TEP1: variants seen among roughly 807,000 people sequenced by gnomAD.
The protein encoded by TEP1 is telomerase associated protein 1.
Under a neutral mutation model 306.3 loss-of-function variants are expected in TEP1, and 241 were observed. That is an observed-to-expected ratio of 0.79 (90% CI 0.71 to 0.88). The LOEUF is 0.88. Among genes scored for constraint, TEP1 ranks in the 40% least tolerant of loss-of-function variants. The pLI, the probability that TEP1 is intolerant of heterozygous loss-of-function variation, is 0.00. For missense variants in TEP1, 3,051 were observed against 3,276.1 expected, an observed-to-expected ratio of 0.93 and a Z score of 1.68; for synonymous variants, 1,289 against 1,305.5, an observed-to-expected ratio of 0.99 and a Z score of 0.27.
Position 20,365,742 on chromosome 14 carries a change from T to A in TEP1, c.*2695A>T, listed in dbSNP as rs1211043104. The A allele has an allele frequency of 1.3e-5, 2 of 152,264 alleles. No individual in the cohort carries two copies. Among genetic ancestry groups the A allele is most frequent in the African/African-American group, 4.8e-5 (2 of 41,480 alleles). 9.4% of individuals were successfully genotyped at this position (152,264 alleles called of 1,614,324 possible). Reference sequence around the variant, plus strand: ...TCCTACACAGTTTCTAAATGGTTACTCTCAACTTCCGTACTTATCTCATTA... The same window carrying A: ...TCCTACACAGTTTCTAAATGGTTACACTCAACTTCCGTACTTATCTCATTA... On this transcript the variant is annotated 3_prime_UTR_variant, in exon 55 of 55. Coordinates refer to ENST00000262715, the MANE Select transcript of TEP1 (RefSeq NM_007110.5).
rs1288774734 is a variant in TEP1 at position 20,368,566 on chromosome 14, T to C, written c.7762-7A>G. On this transcript the variant is annotated splice_region_variant and splice_polypyrimidine_tract_variant and intron_variant, in intron 54 of 54. Transcript: ENST00000262715. ...CGCATCGGAACAGGCCCAGCTACGA[T>C]GGGAACAAAAATAGGGGAGGTCAGG... 1 of 1,613,966 alleles carries C rather than the reference T, an allele frequency of 6.2e-7. No homozygotes were observed. Among genetic ancestry groups the C allele is most frequent in the Non-Finnish European group, 8.5e-7 (1 of 1,179,960 alleles).
chr14:20,368,672 G>T, intron 54 of TEP1, 113 bp from the exon 55 acceptor site: 1 of 1,543,590 alleles, frequency 6.5e-7, no homozygotes, highest in Non-Finnish European at 8.9e-7. Flanking sequence ...CATTGCAAGT[G>T]ATTGAAGAAA....
rs760784175 is a variant in TEP1, at chr14:20,395,677, T to A, written c.1751-50A>T. The A allele has an allele frequency of 2.6e-6, 4 of 1,567,652 alleles. No individual in the cohort carries two copies. The South Asian group carries it at 4.7e-5, about 18-fold the overall frequency. Reference sequence around the variant, plus strand: ...GAGTTAGGCAGCTTCTATTCCCTCATCTTTTCCTACCAGTAATGTGACCTG... The same window carrying A: ...GAGTTAGGCAGCTTCTATTCCCTCAACTTTTCCTACCAGTAATGTGACCTG... On this transcript the variant is annotated intron_variant, in intron 11 of 54. Coordinates refer to ENST00000262715, the MANE Select transcript of TEP1 (RefSeq NM_007110.5).
chr14:20,396,041 CAGA>C (rs1878179320), intron 10 of TEP1, 92 bp from the exon 11 acceptor site: 2 of 832,170 alleles, frequency 2.4e-6, no homozygotes, highest in African/African-American at 3.4e-5. Flanking sequence ...TGGGAAGGTA[CAGA>C]AGGACAAAAT....
Position 20,373,048 on chromosome 14 carries a change from A to G in TEP1, c.6914T>C (p.Ile2305Thr), listed in dbSNP as rs1226700035. The G allele has an allele frequency of 1.9e-6, 3 of 1,614,200 alleles. No homozygotes were observed. Among genetic ancestry groups the G allele is most frequent in the Non-Finnish European group, 8.5e-7 (1 of 1,180,028 alleles). ...AVSGNQAGEL[I>T]LWQEAKAVAT... ...CACAGCCTTAGCTTCCTGCCACAAGATTAGTTCCCCAGCTTGATTTCCAGA... is the reference window on the plus strand; with the variant it reads ...CACAGCCTTAGCTTCCTGCCACAAGGTTAGTTCCCCAGCTTGATTTCCAGA... Residue 2305 changes from isoleucine to threonine, a missense_variant, in exon 48 of 55, where the codon ATC becomes ACC. This residue lies in a region of TEP1 where 1,540 missense variants were observed against 1,705.9 expected (regional missense o/e 0.90). Coordinates refer to ENST00000262715, the MANE Select transcript of TEP1 (RefSeq NM_007110.5).
rs1327986767 is a variant in TEP1, at chr14:20,380,234, C to A, written c.5003+1G>T. ...ACTAGGGTCTGGGGTCAAGGTCTTA[C>A]CTTTGCTGATTTTTCATGGTCCGGG... On this transcript the variant is annotated splice_donor_variant, in intron 34 of 54. Transcript: ENST00000262715. LOFTEE classifies it high-confidence loss of function. 8 of 1,613,498 alleles carry A rather than the reference C, an allele frequency of 5.0e-6. No individual in the cohort carries two copies. The East Asian group carries it at 6.7e-5, about 13-fold the overall frequency.
chr14:20,413,274 C>G (rs990046873), intron 1 of TEP1, 131 bp downstream of exon 1: 1 of 152,528 alleles, frequency 6.6e-6, no homozygotes, highest in Non-Finnish European at 1.5e-5. Flanking sequence ...TGGTTCCTAA[C>G]CGGCCCCGCC....
At chr14:20,391,392 T>C (rs1280098259) in intron 13 of TEP1, among the ~76,000 whole-genome samples, 1 of 152,120 alleles carries the variant, frequency 6.6e-6, no homozygotes, top group Admixed American at 6.5e-5. Flanking sequence ...AGGTGAAATG[T>C]TAGTATTATA....
At position 20,387,817 on chromosome 14, in the gene TEP1, C is replaced by G. The variant is rs1877329494; in HGVS notation, c.2684+88G>C. ...CCTTCATGAAGAGAACAAGCGGCAC[C>G]TCACCAGCTAGAATTTCAGCCCCAG... On this transcript the variant is annotated intron_variant, in intron 18 of 54. Coordinates refer to ENST00000262715, the MANE Select transcript of TEP1 (RefSeq NM_007110.5). 1.7e-5 allele frequency: 25 copies of G among 1,483,420 alleles called. No homozygotes were observed. In the South Asian group the frequency reaches 3.5e-4, roughly 21 times the overall value. 91.9% of individuals were successfully genotyped at this position (1,483,420 alleles called of 1,614,324 possible).
At chr14:20,409,427 T>A (rs1879453809) in intron 1 of TEP1, among the ~76,000 whole-genome samples, 1 of 152,242 alleles carries the variant, frequency 6.6e-6, no homozygotes, top group Non-Finnish European at 1.5e-5. Context: ...TGCTGGCGAC[T>A]CACAGATCTA....
chr14:20,403,644 C>T, intron 6 of TEP1, 79 bp downstream of exon 6: 1 of 1,602,938 alleles, frequency 6.2e-7, no homozygotes, highest in Non-Finnish European at 8.5e-7. Context: ...GTGTGGGACT[C>T]CCCAGCATCA....
chr14:20,398,528 G>A (rs1878410014), intron 9 of TEP1, among the ~76,000 whole-genome samples: 1 of 151,666 alleles, frequency 6.6e-6, no homozygotes, highest in Non-Finnish European at 1.5e-5. Context: ...AGAGTGAAGG[G>A]GTGACATTAA....
chr14:20,380,306 G>C lies in TEP1; in HGVS notation c.4932C>G (p.Leu1644=), dbSNP rs1400448920. 2.5e-6 allele frequency: 4 copies of C among 1,614,184 alleles called. No individual in the cohort carries two copies. The highest frequency in any genetic ancestry group is 1.3e-5 in the African/African-American group (1 of 75,042). Residue 1644 remains leucine (L), a synonymous_variant, in exon 34 of 55, where the codon CTC becomes CTG. Transcript: ENST00000262715. ...DSPLCHQASL[L]SRRWHLQHTL... ...TGTGTTGGAGGTGCCATCTCCGGGAGAGCAGCGAGGCTTGGTGGCAAAGAG... is the reference window on the plus strand; with the variant it reads ...TGTGTTGGAGGTGCCATCTCCGGGACAGCAGCGAGGCTTGGTGGCAAAGAG...
In TEP1 at chr14:20,377,648, C is replaced by T; in HGVS notation, c.5827G>A (p.Ala1943Thr). Residue 1943 changes from alanine to threonine, a missense_variant, in exon 40 of 55, where the codon GCT (alanine) becomes ACT (threonine). Transcript: ENST00000262715. ...ATGCCATCCGCTCGATATCCAACAGCCACCCGATCACCATCTGGGCTGAGT... is the reference window on the plus strand; with the variant it reads ...ATGCCATCCGCTCGATATCCAACAGTCACCCGATCACCATCTGGGCTGAGT... ...VALSPDGDRV[A>T]VGYRADGIRI... 1 of 1,614,126 alleles carries T rather than the reference C, an allele frequency of 6.2e-7. No individual in the cohort carries two copies. Among genetic ancestry groups the T allele is most frequent in the Non-Finnish European group, 8.5e-7 (1 of 1,180,028 alleles).
rs1878051555 is a variant in TEP1, at chr14:20,394,818, T to G, written c.1928+632A>C. On this transcript the variant is annotated intron_variant, in intron 12 of 54. Transcript: ENST00000262715. ...CAGGCTTGATTCTTAAATGGCCCTC[T>G]GTTCAGCTACTGATTCAGGAGATTC... 2.0e-5 allele frequency among the ~76,000 whole-genome samples: 3 copies of G among 152,294 alleles called. No individual in the cohort carries two copies. The South Asian group carries it at 6.2e-4, about 32-fold the overall frequency.
At chr14:20,402,901 G>A (rs1205237163) in intron 7 of TEP1, among the ~76,000 whole-genome samples, 1 of 152,140 alleles carries the variant, frequency 6.6e-6, no homozygotes, top group Non-Finnish European at 1.5e-5. Context: ...GCTCACATCT[G>A]TAATTCCAGC....
intron 27 of TEP1, 43 bp downstream of exon 27, chr14:20,383,131 A>G: frequency 6.5e-7 from 1 of 1,537,112 alleles, no homozygotes; most frequent in Admixed American, 2.1e-5. Context: ...CATAGCTCCC[A>G]GATTCACCCC....
rs199915238 is a variant in TEP1, at chr14:20,368,564, G to A, written c.7762-5C>T. The A allele has an allele frequency of 9.6e-5, 155 of 1,613,942 alleles. 2 individuals carry two copies. Among genetic ancestry groups the A allele is most frequent in the Middle Eastern group, 3.3e-4 (2 of 6,084 alleles). Reference sequence around the variant, plus strand: ...TTCGCATCGGAACAGGCCCAGCTACGATGGGAACAAAAATAGGGGAGGTCA... The same window carrying A: ...TTCGCATCGGAACAGGCCCAGCTACAATGGGAACAAAAATAGGGGAGGTCA... On this transcript the variant is annotated splice_region_variant and splice_polypyrimidine_tract_variant and intron_variant, in intron 54 of 54. Coordinates refer to ENST00000262715, the MANE Select transcript of TEP1 (RefSeq NM_007110.5).
chr14:20,396,064 CAA>C (rs1566473237), intron 10 of TEP1, 115 bp from the exon 11 acceptor site: 1 of 632,544 alleles, frequency 1.6e-6, no homozygotes, highest in African/African-American at 1.8e-5. Flanking sequence ...TGAACTTAGA[CAA>C]GAGATATAGA....
Sources: allele counts gnomAD v4.1 joint callset (sites outside exome capture counted in the v4.1 genomes callset), GRCh38; gene constraint gnomAD v4.1.1; regional missense constraint gnomAD v4.1.1; transcripts MANE v1.5; gene names NCBI Gene and HGNC (gene_info 2026-07-23, HGNC 2026-07-21).